ENO4: variants seen among roughly 807,000 people sequenced by gnomAD.
ENO4 encodes the protein enolase 4.
ENO4 carries 53 observed loss-of-function variants against 63.2 expected under a neutral mutation model. The ratio of observed to expected loss-of-function variants is 0.84; its 90% CI spans 0.67 to 1.05. The LOEUF (loss-of-function observed/expected upper bound fraction) is 1.05. ENO4 is among the 50% of genes least tolerant of loss of function. The probability of loss-of-function intolerance (pLI) is 0.00; values close to 1 mark genes in which losing one functional copy is unlikely to be tolerated. For synonymous variants in ENO4, 266 were observed against 283.8 expected (o/e 0.94, Z 0.63); for missense variants, 719 against 772.0 (o/e 0.93, Z 0.81).
In ENO4 at chr10:116,876,246, C is replaced by A. The variant is rs1243101466; in HGVS notation, c.1523C>A (p.Thr508Asn). ...ACAATGTCTGACTTGGTGGAAATAA[C>A]CAATCTGATTGACAGTGAGTAAAAG... Reference protein sequence around the residue: ...QTTMSDLVEITNLIDSKKHIT... With the variant: ...QTTMSDLVEINNLIDSKKHIT... Residue 508 changes from threonine (T) to asparagine (N), a missense_variant, in exon 11 of 14, where the codon ACC becomes AAC. Thr to Asn is a moderately conservative substitution (Grantham distance 65). This residue lies in a region of ENO4 where 168 missense variants were observed against 163.3 expected (regional missense o/e 1.03). Coordinates refer to ENST00000341276, the MANE Select transcript of ENO4 (RefSeq NM_001242699.2). 1 of 1,544,796 alleles carries A rather than the reference C, an allele frequency of 6.5e-7. No homozygotes were observed. The highest frequency in any genetic ancestry group is 2.0e-5 in the Admixed American group (1 of 49,904).
rs1170314929 is a variant in ENO4, at chr10:116,882,574, A to G, written c.*905A>G. 1 of 152,158 alleles carries G rather than the reference A, an allele frequency of 6.6e-6. No individual in the cohort carries two copies. The highest frequency in any genetic ancestry group is 1.9e-4 in the East Asian group (1 of 5,190). 9.4% of individuals were successfully genotyped at this position (152,158 alleles called of 1,614,324 possible). On this transcript the variant is annotated 3_prime_UTR_variant, in exon 14 of 14. Coordinates refer to ENST00000341276, the MANE Select transcript of ENO4 (RefSeq NM_001242699.2). ...TTAGGGTCTCGTTAAAATGGTTACC[A>G]TTTGCTTCTCCTAAAAATTATATAA...
chr10:116,862,874 T>C (rs1564847174), intron 7 of ENO4, 22 bp downstream of exon 7: 1 of 1,483,976 alleles, frequency 6.7e-7, no homozygotes. Flanking sequence ...GATTCTATGT[T>C]ATCTAGTTAC....
At chr10:116,886,686 T>C, downstream of ENO4, 7 of 1,339,880 alleles carry the variant, frequency 5.2e-6, no homozygotes, top group Non-Finnish European at 7.1e-6. Flanking sequence ...TCAACATGCA[T>C]ATAGTAGTCT....
downstream of ENO4, chr10:116,884,171 T>G: frequency 8.8e-6 from 4 of 454,822 alleles, no homozygotes; most frequent in Admixed American, 9.4e-5. Flanking sequence ...ATGTAAGTTT[T>G]GTGTGTGCAA....
chr10:116,876,788 A>AC (rs538888687), intron 11 of ENO4, among the ~76,000 whole-genome samples: 1 of 152,138 alleles, frequency 6.6e-6, no homozygotes, highest in African/African-American at 2.4e-5. Flanking sequence ...CATCTCTAGT[A>AC]AAAATACAAA....
Position 116,861,110 on chromosome 10 carries a change from T to G in ENO4, c.856T>G (p.Cys286Gly), listed in dbSNP as rs892021844. ...TTTGCTGATGGTATCGCTGGTCAGCTGTGGGAAGTCATCATCTGGGAAGCT... is the reference window on the plus strand; with the variant it reads ...TTTGCTGATGGTATCGCTGGTCAGCGGTGGGAAGTCATCATCTGGGAAGCT... ...MPLLMVSLVS[C>G]GKSSSGKLNL... Residue 286 changes from cysteine to glycine, a missense_variant, in exon 6 of 14, where the codon TGT becomes GGT. By Grantham distance (159) the Cys-to-Gly change is radical. Coordinates refer to ENST00000341276, the MANE Select transcript of ENO4 (RefSeq NM_001242699.2). 6.5e-7 allele frequency: 1 copy of G among 1,549,310 alleles called. No individual in the cohort carries two copies. Among genetic ancestry groups the G allele is most frequent in the Non-Finnish European group, 8.7e-7 (1 of 1,146,274 alleles).
chr10:116,852,024 G>T (rs1846103450), intron 1 of ENO4, among the ~76,000 whole-genome samples: 1 of 152,076 alleles, frequency 6.6e-6, no homozygotes, highest in South Asian at 2.1e-4. Context: ...TATGACATGT[G>T]GGGAGGGACC....
intron 10 of ENO4, among the ~76,000 whole-genome samples, chr10:116,903,467 G>C: frequency 6.6e-6 from 1 of 151,996 alleles, no homozygotes; most frequent in East Asian, 1.9e-4. Context: ...AGAGGTTGCA[G>C]TGAGCCGAGA....
At chr10:116,893,470 C>T (rs1421662023) in intron 10 of ENO4, among the ~76,000 whole-genome samples, 1 of 151,774 alleles carries the variant, frequency 6.6e-6, no homozygotes, top group Non-Finnish European at 1.5e-5. Context: ...TAAGCAGTAA[C>T]GTCCATGCAG....
Position 116,878,686 on chromosome 10 carries a change from C to G in ENO4, c.1538-605C>G, listed in dbSNP as rs190226755. Among the ~76,000 whole-genome samples, 9 of 150,862 alleles carry G rather than the reference C, an allele frequency of 6.0e-5. No homozygotes were observed. In the East Asian group the frequency reaches 1.8e-3, roughly 29 times the overall value. ...AAATGTGTCAATCTAATTTGAGCAT[C>G]CCCCTACCCCCTTTTAGTGGTAATA... On this transcript the variant is annotated intron_variant, in intron 11 of 13. Coordinates refer to ENST00000341276, the MANE Select transcript of ENO4 (RefSeq NM_001242699.2).
chr10:116,911,067 G>C (rs573869163), intron 10 of ENO4, among the ~76,000 whole-genome samples: 30 of 152,312 alleles, frequency 2.0e-4, no homozygotes, highest in South Asian at 4.1e-4. Context: ...GACTTACTGT[G>C]CATAATAACT....
At chr10:116,878,869 G>A (rs914333340) in intron 11 of ENO4, among the ~76,000 whole-genome samples, 1 of 150,294 alleles carries the variant, frequency 6.7e-6, no homozygotes. Flanking sequence ...TCAGCCTCGC[G>A]AGTAGCTGGG....
chr10:116,867,038 C>G (rs1003428656), intron 7 of ENO4, among the ~76,000 whole-genome samples: 2 of 152,020 alleles, frequency 1.3e-5, no homozygotes, highest in African/African-American at 4.8e-5. Flanking sequence ...CATGCAGGCC[C>G]CAACCCAAAG....
intron 7 of ENO4, among the ~76,000 whole-genome samples, chr10:116,863,356 TCACACACACACACA>T (rs10646641): frequency 6.1e-5 from 9 of 147,298 alleles, no homozygotes; most frequent in Non-Finnish European, 9.0e-5. Flanking sequence ...CTGTGGGGCT[TCACACACACACACA>T]CACACACACA....
At chr10:116,867,996 A>C (rs145942588) in intron 7 of ENO4, among the ~76,000 whole-genome samples, 72 of 152,322 alleles carry the variant, frequency 4.7e-4, no homozygotes, top group Non-Finnish European at 8.2e-4. Context: ...AGTTTACAGA[A>C]TCAGTACACG....
At position 116,860,941 on chromosome 10, in the gene ENO4, T is replaced by A; in HGVS notation, c.782T>A (p.Ile261Asn). ...CTTAATAAACCTCTGTACTTAAATA[T>A]CGCTCTACTGAAGCACAATCAGGTT... Reference protein sequence around the residue: ...MLLNKPLYLNIALLKHNQEQP... With the variant: ...MLLNKPLYLNNALLKHNQEQP... The change falls in exon 5 of 14, where the codon ATC becomes AAC. Residue 261 changes from isoleucine (I) to asparagine (N), a missense_variant. By Grantham distance (149) the Ile-to-Asn change is moderately radical. Around this residue, in one of 3 missense-constraint regions of ENO4, gnomAD observed 544 missense variants for 583.6 expected, o/e 0.93. Transcript: ENST00000341276. The A allele has an allele frequency of 6.5e-7, 1 of 1,545,336 alleles. No homozygotes were observed. The highest frequency in any genetic ancestry group is 8.7e-7 in the Non-Finnish European group (1 of 1,143,054).
intron 7 of ENO4, among the ~76,000 whole-genome samples, chr10:116,866,487 A>T (rs984757078): frequency 6.6e-6 from 1 of 152,192 alleles, no homozygotes; most frequent in Non-Finnish European, 1.5e-5. Flanking sequence ...AGCCTCTTAC[A>T]TATCCTGTCA....
chr10:116,877,187 C>A (rs967457402), intron 11 of ENO4, among the ~76,000 whole-genome samples: 3 of 152,048 alleles, frequency 2.0e-5, no homozygotes, highest in Non-Finnish European at 2.9e-5. Context: ...ACATGTGTAG[C>A]CTGCATCACA....
chr10:116,911,116 T>A (rs1292865192), intron 10 of ENO4, among the ~76,000 whole-genome samples: 2 of 152,186 alleles, frequency 1.3e-5, no homozygotes, highest in Admixed American at 1.3e-4. Context: ...ATAGAGCTCT[T>A]AGTATCTGAA....
Sources: gnomAD v4.1 joint callset for allele counts (sites outside exome capture counted in the v4.1 genomes callset) on GRCh38, gnomAD v4.1.1 for gene constraint, gnomAD v4.1.1 regional missense constraint, MANE v1.5 for transcripts, NCBI Gene and HGNC (gene_info 2026-07-23, HGNC 2026-07-21) for gene names.